EBF2: variants seen among roughly 807,000 people sequenced by gnomAD.
EBF2 encodes the protein transcription factor COE2.
EBF2 carries 21 observed loss-of-function variants against 72.8 expected under a neutral mutation model. The ratio of observed to expected loss-of-function variants is 0.29; its 90% CI spans 0.20 to 0.42. The LOEUF (loss-of-function observed/expected upper bound fraction) is 0.42. EBF2 is among the 10% of genes least tolerant of loss of function. EBF2 has a pLI of 1.00. For missense variants in EBF2, 637 were observed against 731.2 expected, an observed-to-expected ratio of 0.87 and a Z score of 1.49; for synonymous variants, 299 against 274.2, an observed-to-expected ratio of 1.09 and a Z score of -0.89.
intron 7 of EBF2, among the ~76,000 whole-genome samples, chr8:25,895,076 T>A (rs748932793): frequency 6.6e-6 from 1 of 152,208 alleles, no homozygotes; most frequent in Non-Finnish European, 1.5e-5. Context: ...ATAATTTGTG[T>A]GGGATGGACC....
chr8:25,858,630 A>T, intron 13 of EBF2, 126 bp from the exon 14 acceptor site: 1 of 535,138 alleles, frequency 1.9e-6, no homozygotes, highest in Non-Finnish European at 3.2e-6. Context: ...CAGTTGTAGG[A>T]AGTGTGCAGT....
At chr8:25,949,257 G>C (rs1476408307) in intron 6 of EBF2, among the ~76,000 whole-genome samples, 2 of 152,200 alleles carry the variant, frequency 1.3e-5, no homozygotes, top group African/African-American at 4.8e-5. Flanking sequence ...TACAATTCGA[G>C]CCAGGCAATC....
chr8:25,934,909 A>G (rs1228638266), intron 6 of EBF2, among the ~76,000 whole-genome samples: 1 of 152,130 alleles, frequency 6.6e-6, no homozygotes, highest in Non-Finnish European at 1.5e-5. Flanking sequence ...AACTAGTACC[A>G]CCAGGCTTTG....
intron 6 of EBF2, among the ~76,000 whole-genome samples, chr8:25,991,830 G>C (rs891459883): frequency 6.6e-6 from 1 of 152,006 alleles, no homozygotes; most frequent in Non-Finnish European, 1.5e-5. Flanking sequence ...TGAGCAACAA[G>C]AGTGAGACTC....
chr8:26,044,577 T>C lies in EBF2; in HGVS notation c.131+152A>G. On this transcript the variant is annotated intron_variant, in intron 1 of 15. Transcript: ENST00000520164. The surrounding 1 kb of genome is among the most constrained non-coding windows in gnomAD (Gnocchi z 4.1). ...CGTTCGCCTGACTGCAGCGATCTGC[T>C]TGCCCGAGGGCGAGCCCCAGCGCGC... is the stretch of plus-strand genomic sequence containing the variant. 8.5e-7 allele frequency: 1 copy of C among 1,173,934 alleles called. No individual in the cohort carries two copies. The highest frequency in any genetic ancestry group is 1.2e-6 in the Non-Finnish European group (1 of 839,110). The allele number at this position is 1,173,934 out of a possible 1,614,324, so 72.7% of individuals were successfully genotyped here. A position where few individuals can be genotyped will look rare whatever the true frequency, so the allele number is the denominator to read the frequency against.
At chr8:26,002,508 C>T (rs975596780) in intron 6 of EBF2, among the ~76,000 whole-genome samples, 1 of 152,134 alleles carries the variant, frequency 6.6e-6, no homozygotes, top group Non-Finnish European at 1.5e-5. Flanking sequence ...GGCAAGGGCC[C>T]GGGGCTGAGC....
intron 6 of EBF2, among the ~76,000 whole-genome samples, chr8:26,002,848 A>AGGCAGGCG (rs879832077): frequency 8.1e-6 from 1 of 123,720 alleles, no homozygotes; most frequent in Non-Finnish European, 1.9e-5. Context: ...GCAGGCAGGC[A>AGGCAGGCG]GGCAGGCGGG....
At chr8:25,962,532 C>T (rs1448197477) in intron 6 of EBF2, among the ~76,000 whole-genome samples, 2 of 151,282 alleles carry the variant, frequency 1.3e-5, no homozygotes, top group East Asian at 3.9e-4. Context: ...ATCCACACAG[C>T]CTGACCAAAA....
intron 10 of EBF2, among the ~76,000 whole-genome samples, chr8:25,873,392 G>T (rs113495192): frequency 6.6e-6 from 1 of 152,158 alleles, no homozygotes; most frequent in Non-Finnish European, 1.5e-5. Context: ...AGGAGTAGAG[G>T]GTGGAGCTGA....
intron 10 of EBF2, among the ~76,000 whole-genome samples, chr8:25,881,845 G>GGCACCGGCA (rs1563387307): frequency 3.9e-5 from 6 of 151,990 alleles, no homozygotes; most frequent in African/African-American, 1.4e-4. Flanking sequence ...AGGCACCGGC[G>GGCACCGGCA]GGCCACTGAC....
At chr8:25,865,845 G>A (rs1211758281) in intron 10 of EBF2, among the ~76,000 whole-genome samples, 2 of 151,714 alleles carry the variant, frequency 1.3e-5, no homozygotes, top group Non-Finnish European at 2.9e-5. Context: ...CTAACACGGT[G>A]AAACCCCATC....
In EBF2 at chr8:25,902,514, T is replaced by A. The variant is rs969997987; in HGVS notation, c.633+5960A>T. ...AAATTTATTTAATAATAATCCATTATTTTAATCAATTATTTTAATAATTAA... is the reference window on the plus strand; with the variant it reads ...AAATTTATTTAATAATAATCCATTAATTTAATCAATTATTTTAATAATTAA... On this transcript the variant is annotated intron_variant, in intron 7 of 15. Transcript: ENST00000520164. 3.9e-5 allele frequency among the ~76,000 whole-genome samples: 6 copies of A among 152,076 alleles called. No individual in the cohort carries two copies. In the South Asian group the frequency reaches 1.2e-3, roughly 31 times the overall value.
intron 6 of EBF2, among the ~76,000 whole-genome samples, chr8:25,970,728 T>A (rs377610416): frequency 6.6e-6 from 1 of 152,196 alleles, no homozygotes; most frequent in African/African-American, 2.4e-5. Context: ...TAACTTTCTA[T>A]CACCCCTTAC....
In EBF2 at chr8:25,985,091, C is replaced by T. The variant is rs569192972; in HGVS notation, c.551+47994G>A. Among the ~76,000 whole-genome samples, 64 of 152,292 alleles carry T rather than the reference C, an allele frequency of 4.2e-4. 1 individual carries two copies. The South Asian group carries it at 0.013, about 31-fold the overall frequency. On this transcript the variant is annotated intron_variant, in intron 6 of 15. Transcript: ENST00000520164. Reference sequence around the variant, plus strand: ...AGTGATAAAACAGAACTGAGCAAGGCATGGGCTGCAACCAGGAAGAACCCT... The same window carrying T: ...AGTGATAAAACAGAACTGAGCAAGGTATGGGCTGCAACCAGGAAGAACCCT...
chr8:25,964,347 C>A (rs1324199408), intron 6 of EBF2, among the ~76,000 whole-genome samples: 1 of 151,980 alleles, frequency 6.6e-6, no homozygotes, highest in African/African-American at 2.4e-5. Flanking sequence ...TCCAAGTATA[C>A]GTTTAGGATT....
At chr8:25,856,703 A>G (rs915000897) in intron 14 of EBF2, among the ~76,000 whole-genome samples, 1 of 152,216 alleles carries the variant, frequency 6.6e-6, no homozygotes, top group African/African-American at 2.4e-5. Flanking sequence ...TCTTTACCAC[A>G]CCAGACACCA....
intron 6 of EBF2, among the ~76,000 whole-genome samples, chr8:25,912,247 G>T (rs1220044938): frequency 6.6e-6 from 1 of 152,070 alleles, no homozygotes; most frequent in Non-Finnish European, 1.5e-5. Flanking sequence ...GCTTGTAAGT[G>T]GTGAACACAA....
At chr8:25,884,088 C>T (rs762220215) in intron 10 of EBF2, among the ~76,000 whole-genome samples, 66 of 152,168 alleles carry the variant, frequency 4.3e-4, no homozygotes, top group Non-Finnish European at 7.5e-4. Flanking sequence ...ACATCTTCCA[C>T]GTCTTCCCAT....
chr8:26,039,327 C>A (rs1805561172), intron 5 of EBF2, among the ~76,000 whole-genome samples: 1 of 152,100 alleles, frequency 6.6e-6, no homozygotes, highest in Non-Finnish European at 1.5e-5. Context: ...GGTGCAGGAA[C>A]GCCAGTAGAC....
Sources: allele counts gnomAD v4.1 joint callset (sites outside exome capture counted in the v4.1 genomes callset), GRCh38; gene constraint gnomAD v4.1.1; non-coding constraint Gnocchi (gnomAD v3.1); transcripts MANE v1.5; gene names NCBI Gene and HGNC (gene_info 2026-07-23, HGNC 2026-07-21).